The following COG5 variants were observed in gnomAD, a reference collection of about 807,000 sequenced individuals.
The protein encoded by COG5 is conserved oligomeric Golgi complex subunit 5.
In COG5, 86 loss-of-function variants were observed where a neutral mutation model predicts 110.4. The observed-to-expected ratio is 0.78, with a 90% CI of 0.65 to 0.93. The LOEUF is 0.93. Among genes scored for constraint, COG5 ranks in the 40% least tolerant of loss-of-function variants. The probability of loss-of-function intolerance (pLI) is 0.00; values close to 1 mark genes in which losing one functional copy is unlikely to be tolerated. For synonymous variants in COG5, 360 were observed against 334.6 expected (o/e 1.08, Z -0.83); for missense variants, 1,077 against 987.0 (o/e 1.09, Z -1.22).
At chr7:107,536,777 G>A (rs191351190) in intron 5 of COG5, among the ~76,000 whole-genome samples, 1 of 152,174 alleles carries the variant, frequency 6.6e-6, no homozygotes, top group Non-Finnish European at 1.5e-5. Context: ...AATTTCATAT[G>A]GAACCAAAAA....
chr7:107,222,877 C>A (rs1014740519), intron 19 of COG5, among the ~76,000 whole-genome samples: 2 of 152,016 alleles, frequency 1.3e-5, no homozygotes, highest in Non-Finnish European at 2.9e-5. Context: ...AATTTGTCAA[C>A]TATTAGGTCT....
intron 6 of COG5, among the ~76,000 whole-genome samples, chr7:107,505,855 G>A (rs192668812): frequency 1.1e-4 from 16 of 152,264 alleles, no homozygotes; most frequent in Admixed American, 2.6e-4. Context: ...GTTCCTCTGG[G>A]TCTAGATGCC....
intron 6 of COG5, among the ~76,000 whole-genome samples, chr7:107,506,448 G>A (rs1435265830): frequency 6.6e-6 from 1 of 152,166 alleles, no homozygotes; most frequent in Non-Finnish European, 1.5e-5. Context: ...TCCACAAGTG[G>A]GGCAAGCAGC....
At chr7:107,344,938 C>A (rs1811471502) in intron 10 of COG5, among the ~76,000 whole-genome samples, 1 of 152,186 alleles carries the variant, frequency 6.6e-6, no homozygotes, top group Non-Finnish European at 1.5e-5. Flanking sequence ...ACCTAGTGTT[C>A]AGCATTTCTC....
At chr7:107,381,406 CAT>C (rs967575807) in intron 7 of COG5, among the ~76,000 whole-genome samples, 1 of 152,124 alleles carries the variant, frequency 6.6e-6, no homozygotes, top group Non-Finnish European at 1.5e-5. Flanking sequence ...ATATTGCTAA[CAT>C]ATGTTCCAAA....
At chr7:107,254,385 G>GTT (rs150652783) in intron 16 of COG5, among the ~76,000 whole-genome samples, 2 of 148,140 alleles carry the variant, frequency 1.4e-5, no homozygotes, top group African/African-American at 4.9e-5. Context: ...TCTAAGTCAG[G>GTT]TTTTTTTTTT....
At chr7:107,441,253 C>CT (rs1171434238) in intron 6 of COG5, among the ~76,000 whole-genome samples, 7 of 65,812 alleles carry the variant, frequency 1.1e-4, no homozygotes, top group Non-Finnish European at 1.5e-4. Flanking sequence ...GAGACTCCGT[C>CT]TCAAAAAAAA....
intron 6 of COG5, among the ~76,000 whole-genome samples, chr7:107,500,534 G>A (rs994427382): frequency 1.7e-4 from 26 of 152,014 alleles, no homozygotes; most frequent in Non-Finnish European, 3.1e-4. Context: ...TAGTTACATA[G>A]TATAAACTGA....
intron 11 of COG5, among the ~76,000 whole-genome samples, chr7:107,321,309 T>C (rs1809249852): frequency 6.6e-6 from 1 of 152,024 alleles, no homozygotes; most frequent in Non-Finnish European, 1.5e-5. Flanking sequence ...TAAGAAAAAA[T>C]GTAAAAGTCC....
chr7:107,509,519 C>T (rs1237435733), intron 6 of COG5, among the ~76,000 whole-genome samples: 3 of 152,212 alleles, frequency 2.0e-5, no homozygotes, highest in African/African-American at 7.2e-5. Context: ...CAAGGCAGGC[C>T]AACATTCAGA....
intron 6 of COG5, among the ~76,000 whole-genome samples, chr7:107,420,277 C>G (rs542820030): frequency 6.6e-6 from 1 of 152,042 alleles, no homozygotes; most frequent in Non-Finnish European, 1.5e-5. Context: ...TTGTATGGAG[C>G]AAGTAAGGCA....
At chr7:107,266,897 A>G (rs1476890198) in intron 14 of COG5, among the ~76,000 whole-genome samples, 8 of 152,198 alleles carry the variant, frequency 5.3e-5, no homozygotes, top group Non-Finnish European at 1.2e-4. Flanking sequence ...GACAATTTTA[A>G]AAAGAGGTTT....
intron 6 of COG5, among the ~76,000 whole-genome samples, chr7:107,488,704 G>A (rs1310360120): frequency 1.3e-5 from 2 of 151,974 alleles, no homozygotes; most frequent in Admixed American, 6.6e-5. Flanking sequence ...AAAATTAGTT[G>A]GGCATGGTAG....
chr7:107,479,305 A>T (rs1797178041), intron 6 of COG5, among the ~76,000 whole-genome samples: 1 of 152,154 alleles, frequency 6.6e-6, no homozygotes, highest in Non-Finnish European at 1.5e-5. Flanking sequence ...AATTTGGGTC[A>T]TAAGACAGAA....
intron 7 of COG5, among the ~76,000 whole-genome samples, chr7:107,396,213 T>C (rs1165441750): frequency 6.6e-6 from 1 of 152,170 alleles, no homozygotes; most frequent in Non-Finnish European, 1.5e-5. Flanking sequence ...GAGAATCACA[T>C]TAAATACCAT....
At chr7:107,413,563 A>C (rs1307532735) in intron 6 of COG5, among the ~76,000 whole-genome samples, 3 of 152,024 alleles carry the variant, frequency 2.0e-5, no homozygotes, top group Admixed American at 6.6e-5. Context: ...CCAGGAAAAA[A>C]ATGTAGTAAC....
chr7:107,418,628 T>C (rs1196095182), intron 6 of COG5, among the ~76,000 whole-genome samples: 1 of 146,612 alleles, frequency 6.8e-6, no homozygotes, highest in Non-Finnish European at 1.5e-5. Context: ...TTTTTTTTTT[T>C]AAGTTTCATT....
At chr7:107,510,543 C>A (rs149289487) in intron 6 of COG5, among the ~76,000 whole-genome samples, 1 of 152,118 alleles carries the variant, frequency 6.6e-6, no homozygotes, top group Non-Finnish European at 1.5e-5. Flanking sequence ...CTGCACCAAG[C>A]GGACCTAATA....
chr7:107,335,740 C>A (rs1036070094), intron 10 of COG5, among the ~76,000 whole-genome samples: 2 of 152,078 alleles, frequency 1.3e-5, no homozygotes, highest in Non-Finnish European at 2.9e-5. Flanking sequence ...ACTTCACCTA[C>A]AAAGACACAC....
Sources: allele counts gnomAD v4.1 joint callset (sites outside exome capture counted in the v4.1 genomes callset), GRCh38; gene constraint gnomAD v4.1.1; transcripts MANE v1.5; gene names NCBI Gene and HGNC (gene_info 2026-07-23, HGNC 2026-07-21).